Variants in GALM observed in about 807,000 individuals in gnomAD.
GALM encodes aldose 1-epimerase.
In GALM, 43 loss-of-function variants were observed where a neutral mutation model predicts 37.4. The ratio of observed to expected loss-of-function variants is 1.15; its 90% confidence interval spans 0.90 to 1.48. The LOEUF (loss-of-function observed/expected upper bound fraction) is 1.48, where lower values mean the gene tolerates loss of function less well. GALM is among the 40% of genes most tolerant of loss of function. The pLI is 0.00. For synonymous variants in GALM, 199 were observed against 170.6 expected (o/e 1.17, Z -1.30); for missense variants, 456 against 419.1 (o/e 1.09, Z -0.77).
chr2:38,711,653 T>G (rs1666162897), intron 4 of GALM, among the ~76,000 whole-genome samples: 1 of 141,298 alleles, frequency 7.1e-6, no homozygotes, highest in African/African-American at 2.7e-5. Context: ...GACTGCCTAG[T>G]GAGAAGCACT....
chr2:38,712,045 T>C lies in GALM; in HGVS notation c.635-17511T>C, dbSNP rs559135922. ...GTGACAAGAAGCTAAATCTGAGCAG[T>C]GTCCTTTGGTTGGTTTTGTTTCATT... On this transcript the variant is annotated intron_variant, in intron 4 of 6. Coordinates refer to ENST00000272252, the MANE Select transcript of GALM (RefSeq NM_138801.3). Among the ~76,000 whole-genome samples, 7 of 152,246 alleles carry C rather than the reference T, an allele frequency of 4.6e-5. No individual in the cohort carries two copies. In the East Asian group the frequency reaches 1.4e-3, roughly 29 times the overall value.
At chr2:38,695,621 A>G (rs1665787892) in intron 4 of GALM, among the ~76,000 whole-genome samples, 1 of 152,202 alleles carries the variant, frequency 6.6e-6, no homozygotes, top group African/African-American at 2.4e-5. Context: ...TATTTTGCTT[A>G]CCATCCTAGT....
chr2:38,686,821 GAATT>G (rs1296400457), intron 3 of GALM, among the ~76,000 whole-genome samples: 1 of 152,218 alleles, frequency 6.6e-6, no homozygotes, highest in Non-Finnish European at 1.5e-5. Flanking sequence ...GTGAAGACCT[GAATT>G]AATGCTAGGC....
chr2:38,725,124 T>C (rs1666458659), intron 4 of GALM, among the ~76,000 whole-genome samples: 2 of 152,218 alleles, frequency 1.3e-5, no homozygotes, highest in South Asian at 2.1e-4. Flanking sequence ...TTAAATATTG[T>C]AACACCATTT....
rs1240270254 is a variant in GALM at position 38,690,946 on chromosome 2, AT to A, written c.634+1053del. Among the ~76,000 whole-genome samples the A allele has an allele frequency of 8.5e-5, 13 of 152,230 alleles. 1 individual carries two copies. The highest frequency in any genetic ancestry group is 1.5e-5 in the Non-Finnish European group (1 of 68,040). The stretch of plus-strand genomic sequence containing the variant: ...AAATTTTTGGCATCACAGTTTTTGA[AT>A]ATTTTCCTGGCTCCAGGGCTGAGTT... On this transcript the variant is annotated intron_variant, in intron 4 of 6. Transcript: ENST00000272252.
intron 2 of GALM, 125 bp from the exon 3 acceptor site, chr2:38,681,155 A>C: frequency 1.2e-6 from 1 of 815,584 alleles, no homozygotes; most frequent in Non-Finnish European, 2.1e-6. Flanking sequence ...CCAGGCTATC[A>C]TTAAAAAGTC....
At chr2:38,687,929 C>T (rs1026166673) in intron 3 of GALM, among the ~76,000 whole-genome samples, 10 of 151,854 alleles carry the variant, frequency 6.6e-5, no homozygotes, top group Middle Eastern at 3.4e-3. Context: ...AAAAACCAGT[C>T]GGCCGGGCAC....
chr2:38,694,896 C>CAAAAAA (rs778512686), intron 4 of GALM, among the ~76,000 whole-genome samples: 32 of 75,680 alleles, frequency 4.2e-4, no homozygotes, highest in Non-Finnish European at 5.5e-4. Context: ...GACTCCGTCT[C>CAAAAAA]AAAAAAAAAA....
rs1191327099 is a variant in GALM, at chr2:38,675,537, T to TTG, written c.191-374_191-373insGT. ...TTGAGGGTTTTTTTGTTTTTTTTTT[T>TTG]TTTTTTTGTGTGTGTGTGTGTGTGT... On this transcript the variant is annotated intron_variant, in intron 1 of 6. Transcript: ENST00000272252. 1.2e-3 allele frequency among the ~76,000 whole-genome samples: 106 copies of TTG among 90,074 alleles called. 2 individuals are homozygous for TTG. Among genetic ancestry groups the TTG allele is most frequent in the African/African-American group, 5.2e-3 (99 of 19,126 alleles). 59.1% of individuals were successfully genotyped at this position (90,074 alleles called of 152,430 possible). A position where few individuals can be genotyped will look rare whatever the true frequency, so the allele number is the denominator to read the frequency against.
At chr2:38,691,338 T>G (rs1481009349) in intron 4 of GALM, among the ~76,000 whole-genome samples, 2 of 152,212 alleles carry the variant, frequency 1.3e-5, no homozygotes, top group Non-Finnish European at 2.9e-5. Context: ...AAAAAATCAT[T>G]GTGGCAAAGC....
At chr2:38,672,814 C>T (rs964058293) in intron 1 of GALM, among the ~76,000 whole-genome samples, 3 of 151,780 alleles carry the variant, frequency 2.0e-5, no homozygotes, top group Non-Finnish European at 4.4e-5. Flanking sequence ...TGAGACCAGC[C>T]TGGCCAACAT....
intron 4 of GALM, among the ~76,000 whole-genome samples, chr2:38,704,301 C>T (rs780810949): frequency 1.5e-4 from 23 of 151,818 alleles, no homozygotes; most frequent in Non-Finnish European, 4.4e-5. Flanking sequence ...TGGGCTCACG[C>T]GGTCATCCCA....
chr2:38,668,136 C>G (rs1665002870), intron 1 of GALM: 7 of 152,206 alleles, frequency 4.6e-5, no homozygotes, highest in Admixed American at 4.6e-4. Flanking sequence ...ATTCTGAAAG[C>G]TCCCGTGTCA....
intron 3 of GALM, among the ~76,000 whole-genome samples, chr2:38,682,639 G>A (rs1665423873): frequency 6.6e-6 from 1 of 152,170 alleles, no homozygotes; most frequent in African/African-American, 2.4e-5. Flanking sequence ...GCTCATGCCT[G>A]TAATCCCGGC....
At chr2:38,723,291 G>T (rs1291615165) in intron 4 of GALM, among the ~76,000 whole-genome samples, 3 of 152,156 alleles carry the variant, frequency 2.0e-5, no homozygotes, top group Non-Finnish European at 2.9e-5. Flanking sequence ...CCTGCTCCAA[G>T]AATTGATTTT....
chr2:38,699,319 GT>G (rs1665871421), intron 4 of GALM, among the ~76,000 whole-genome samples: 1 of 152,132 alleles, frequency 6.6e-6, no homozygotes, highest in South Asian at 2.1e-4. Flanking sequence ...TTTGATACAT[GT>G]TTACAATGTA....
At chr2:38,720,597 T>C (rs1348241315) in intron 4 of GALM, among the ~76,000 whole-genome samples, 1 of 152,150 alleles carries the variant, frequency 6.6e-6, no homozygotes, top group Non-Finnish European at 1.5e-5. Context: ...ACTTCGTTTA[T>C]TATCTCTAAT....
At chr2:38,726,896 T>TAA (rs11382149) in intron 4 of GALM, among the ~76,000 whole-genome samples, 34 of 150,468 alleles carry the variant, frequency 2.3e-4, no homozygotes, top group African/African-American at 5.1e-4. Context: ...AACTCTGTCT[T>TAA]AAAAAAAAAT....
At chr2:38,680,156 C>G (rs926554086) in intron 2 of GALM, 4 of 416,952 alleles carry the variant, frequency 9.6e-6, no homozygotes, top group African/African-American at 6.4e-5. Context: ...GTAGCTAGGA[C>G]TACAGGTATG....
Sources: allele counts gnomAD v4.1 joint callset (sites outside exome capture counted in the v4.1 genomes callset), GRCh38; gene constraint gnomAD v4.1.1; transcripts MANE v1.5; gene names NCBI Gene and HGNC (gene_info 2026-07-23, HGNC 2026-07-21).